The following PAX7 variants were observed in gnomAD, a reference collection of about 807,000 sequenced individuals.
PAX7 encodes the protein paired box protein Pax-7.
A neutral mutation model predicts 50.7 loss-of-function variants in PAX7; 18 were observed. The ratio of observed to expected loss-of-function variants is 0.36; its 90% confidence interval spans 0.25 to 0.53. PAX7 has a LOEUF of 0.53. PAX7 is among the 20% of genes least tolerant of loss of function. The probability of loss-of-function intolerance (pLI) is 0.93; values close to 1 mark genes in which losing one functional copy is unlikely to be tolerated. For synonymous variants in PAX7, 310 were observed against 290.4 expected (o/e 1.07, Z -0.69); for missense variants, 644 against 702.9 (o/e 0.92, Z 0.95).
At chr1:18,689,648 G>A (rs2089038696) in intron 4 of PAX7, among the ~76,000 whole-genome samples, 1 of 152,226 alleles carries the variant, frequency 6.6e-6, no homozygotes, top group South Asian at 2.1e-4. Flanking sequence ...TGGGCCCAGG[G>A]CAGAGAGGCA....
At chr1:18,648,872 G>A (rs1416089973) in intron 4 of PAX7, among the ~76,000 whole-genome samples, 2 of 152,162 alleles carry the variant, frequency 1.3e-5, no homozygotes, top group African/African-American at 4.8e-5. Context: ...TGGGAAAGGA[G>A]CAGAGAGGTG....
chr1:18,637,729 G>A (rs1359409605), intron 4 of PAX7, among the ~76,000 whole-genome samples: 3 of 152,276 alleles, frequency 2.0e-5, no homozygotes, highest in Non-Finnish European at 4.4e-5. Context: ...AAGGATGGGT[G>A]GCCGGGCAGC....
chr1:18,668,374 C>A (rs1265835350), intron 4 of PAX7, among the ~76,000 whole-genome samples: 1 of 152,154 alleles, frequency 6.6e-6, no homozygotes, highest in Non-Finnish European at 1.5e-5. Context: ...CAGTGCCTGG[C>A]ACCTAGTAGG....
At chr1:18,697,047 A>G (rs2100310489) in intron 5 of PAX7, among the ~76,000 whole-genome samples, 1 of 152,238 alleles carries the variant, frequency 6.6e-6, no homozygotes, top group East Asian at 1.9e-4. Context: ...GTAGCCACAA[A>G]AACTAAAACT....
intron 4 of PAX7, among the ~76,000 whole-genome samples, chr1:18,678,071 G>C (rs112672964): frequency 6.7e-5 from 8 of 119,634 alleles, no homozygotes; most frequent in African/African-American, 2.6e-4. Flanking sequence ...GACAGAGCGA[G>C]ACTCCGTCTG....
intron 4 of PAX7, among the ~76,000 whole-genome samples, chr1:18,637,260 C>A (rs927832939): frequency 6.6e-6 from 1 of 152,128 alleles, no homozygotes; most frequent in Non-Finnish European, 1.5e-5. Flanking sequence ...TTCCTCATTA[C>A]CCCCTCCCCT....
chr1:18,704,683 A>G (rs1417306536), intron 7 of PAX7, among the ~76,000 whole-genome samples: 5 of 151,638 alleles, frequency 3.3e-5, no homozygotes, highest in Admixed American at 2.0e-4. Flanking sequence ...AATATTTACT[A>G]TCAGGCCCTT....
At position 18,634,572 on chromosome 1, in the gene PAX7, C is replaced by A; in HGVS notation, c.321+34C>A. ...CTTTGCCACAGAGGCTGGCAGCTGG[C>A]TTCCTATAGTCGGGGGCTCCTGGTT... On this transcript the variant is annotated intron_variant, in intron 2 of 8. Transcript: ENST00000420770. The surrounding 1 kb of genome is among the most constrained non-coding windows in gnomAD (Gnocchi z 4.0). The A allele has an allele frequency of 6.3e-7, 1 of 1,587,344 alleles. No individual in the cohort carries two copies. Among genetic ancestry groups the A allele is most frequent in the Non-Finnish European group, 8.6e-7 (1 of 1,157,890 alleles).
Position 18,748,692 on chromosome 1 carries a change from G to A in PAX7, c.*3763G>A, listed in dbSNP as rs1205609905. The A allele has an allele frequency of 3.4e-5, 8 of 232,084 alleles. No individual in the cohort carries two copies. The highest frequency in any genetic ancestry group is 1.8e-4 in the South Asian group (1 of 5,504). The allele number at this position is 232,084 out of a possible 1,614,324, so 14.4% of individuals were successfully genotyped here. ...GTGAGGGTGTGAGTGGGGTGTGTGCGTGGGCGTGTGGGCGTGAGGTGTGTG... is the reference window on the plus strand; with the variant it reads ...GTGAGGGTGTGAGTGGGGTGTGTGCATGGGCGTGTGGGCGTGAGGTGTGTG... On this transcript the variant is annotated 3_prime_UTR_variant, in exon 9 of 9. Coordinates refer to ENST00000420770, the MANE Select transcript of PAX7 (RefSeq NM_001135254.2).
chr1:18,727,066 C>A (rs917001585), intron 7 of PAX7, among the ~76,000 whole-genome samples: 1 of 152,206 alleles, frequency 6.6e-6, no homozygotes, highest in South Asian at 2.1e-4. Context: ...CATGCACATG[C>A]AATACTTATG....
chr1:18,732,238 C>T (rs898964507), intron 7 of PAX7, among the ~76,000 whole-genome samples: 9 of 152,212 alleles, frequency 5.9e-5, no homozygotes, highest in African/African-American at 1.7e-4. Flanking sequence ...TTGTCAGCTT[C>T]GTTCCTTAGG....
intron 4 of PAX7, among the ~76,000 whole-genome samples, chr1:18,640,085 G>A (rs971343973): frequency 6.6e-6 from 1 of 152,056 alleles, no homozygotes; most frequent in South Asian, 2.1e-4. Flanking sequence ...GAGGATTGGC[G>A]AGGACGGCGA....
In PAX7 at chr1:18,636,965, G is replaced by C. The variant is rs1272347642; in HGVS notation, c.586+594G>C. 6.6e-6 allele frequency among the ~76,000 whole-genome samples: 1 copy of C among 152,200 alleles called. No individual in the cohort carries two copies. Among genetic ancestry groups the C allele is most frequent in the Non-Finnish European group, 1.5e-5 (1 of 68,030 alleles). On this transcript the variant is annotated intron_variant, in intron 4 of 8. Coordinates refer to ENST00000420770, the MANE Select transcript of PAX7 (RefSeq NM_001135254.2). This position sits in a 1 kb window ranked among gnomAD's most constrained non-coding sequence, Gnocchi z 5.1. The stretch of plus-strand genomic sequence containing the variant: ...CAGGGCGGACTGGGGGACAGAGAGT[G>C]CCTTCCTCTGTGGCGTGCGCCGGCA...
chr1:18,735,852 G>T lies in PAX7; in HGVS notation c.1376G>T (p.Gly459Val). Residue 459 changes from glycine (G) to valine (V), a missense_variant, in exon 8 of 9, where the codon GGC becomes GTC. Gly to Val is a moderately radical substitution (Grantham distance 109). Transcript: ENST00000420770. This position sits in a 1 kb window ranked among gnomAD's most constrained non-coding sequence, Gnocchi z 4.0. ...TTGYSVDPVA[G>V]YQYGQYGQTA... ...GGCTACAGCGTGGACCCCGTGGCCG[G>T]CTATCAGTACGGCCAGTACGGCCAG... 6.2e-7 allele frequency: 1 copy of T among 1,614,120 alleles called. No individual in the cohort carries two copies. The highest frequency in any genetic ancestry group is 1.1e-5 in the South Asian group (1 of 91,078).
At chr1:18,640,989 C>G (rs1171997966) in intron 4 of PAX7, among the ~76,000 whole-genome samples, 1 of 152,326 alleles carries the variant, frequency 6.6e-6, no homozygotes, top group East Asian at 1.9e-4. Flanking sequence ...TCCATCCCCC[C>G]AACCGAAGAA....
At chr1:18,669,952 C>T (rs1378032420) in intron 4 of PAX7, among the ~76,000 whole-genome samples, 2 of 151,984 alleles carry the variant, frequency 1.3e-5, no homozygotes, top group African/African-American at 4.8e-5. Flanking sequence ...GGCGTGGTGG[C>T]ACGTGCCTGT....
chr1:18,676,311 C>T (rs1485343635), intron 4 of PAX7, among the ~76,000 whole-genome samples: 1 of 151,780 alleles, frequency 6.6e-6, no homozygotes, highest in African/African-American at 2.4e-5. Flanking sequence ...CCTGCTCTGC[C>T]TGGGAACGGC....
intron 4 of PAX7, among the ~76,000 whole-genome samples, chr1:18,640,570 C>T (rs925534385): frequency 2.0e-5 from 3 of 152,124 alleles, no homozygotes; most frequent in African/African-American, 7.2e-5. Flanking sequence ...TTGATTTAAA[C>T]CAACAAGTTC....
chr1:18,648,112 C>T lies in PAX7; in HGVS notation c.586+11741C>T, dbSNP rs1008847132. Among the ~76,000 whole-genome samples, 3 of 152,062 alleles carry T rather than the reference C, an allele frequency of 2.0e-5. No individual in the cohort carries two copies. In the South Asian group the frequency reaches 6.2e-4, roughly 32 times the overall value. ...GGGTAGGGAGGTGTGGGTGAGTGCTCTGGTTTGAGGAGATGGTGAAAACAT... is the reference window on the plus strand; with the variant it reads ...GGGTAGGGAGGTGTGGGTGAGTGCTTTGGTTTGAGGAGATGGTGAAAACAT... On this transcript the variant is annotated intron_variant, in intron 4 of 8. Coordinates refer to ENST00000420770, the MANE Select transcript of PAX7 (RefSeq NM_001135254.2).
Sources: gnomAD v4.1 joint callset for allele counts (sites outside exome capture counted in the v4.1 genomes callset) on GRCh38, gnomAD v4.1.1 for gene constraint, Gnocchi (gnomAD v3.1) non-coding constraint, MANE v1.5 for transcripts, NCBI Gene and HGNC (gene_info 2026-07-23, HGNC 2026-07-21) for gene names.